NAALADL2: variants seen among roughly 807,000 people sequenced by gnomAD.
NAALADL2 encodes the protein inactive N-acetylated-alpha-linked acidic dipeptidase-like protein 2.
In NAALADL2, 76 loss-of-function variants were observed where a neutral mutation model predicts 87.2. The ratio of observed to expected loss-of-function variants is 0.87; its 90% CI spans 0.72 to 1.05. NAALADL2 has a LOEUF of 1.05. NAALADL2 is among the 50% of genes least tolerant of loss of function. The pLI, the probability that NAALADL2 is intolerant of heterozygous loss-of-function variation, is 0.00. For synonymous variants in NAALADL2, 354 were observed against 331.0 expected (o/e 1.07, Z -0.75); for missense variants, 1,089 against 945.8 (o/e 1.15, Z -1.99).
At chr3:174,571,309 A>T (rs985238832) in intron 2 of NAALADL2, among the ~76,000 whole-genome samples, 1 of 152,198 alleles carries the variant, frequency 6.6e-6, no homozygotes, top group Non-Finnish European at 1.5e-5. Flanking sequence ...TAACCTTAAT[A>T]GCAAAACAGG....
intron 5 of NAALADL2, among the ~76,000 whole-genome samples, chr3:175,342,249 G>A (rs778529016): frequency 1.3e-4 from 20 of 152,102 alleles, no homozygotes; most frequent in Non-Finnish European, 2.2e-4. Context: ...ACATGTGATA[G>A]GTTTCAGATA....
chr3:174,961,459 T>G (rs968358019), intron 1 of NAALADL2, among the ~76,000 whole-genome samples: 2 of 151,998 alleles, frequency 1.3e-5, no homozygotes, highest in African/African-American at 2.4e-5. Flanking sequence ...AAGTTTTGAG[T>G]GAGATGGGGA....
chr3:175,203,118 G>A (rs992013605), intron 2 of NAALADL2, among the ~76,000 whole-genome samples: 19 of 152,024 alleles, frequency 1.2e-4, no homozygotes, highest in Admixed American at 1.0e-3. Flanking sequence ...CACTGGATTC[G>A]CACCCTCCCC....
chr3:175,504,038 T>C (rs1729923752), intron 9 of NAALADL2, among the ~76,000 whole-genome samples: 1 of 152,224 alleles, frequency 6.6e-6, no homozygotes, highest in African/African-American at 2.4e-5. Flanking sequence ...TCCTAGATGA[T>C]CTTTCAAGGT....
rs369048693 is a variant in NAALADL2 at position 175,051,828 on chromosome 3, C to T, written c.44-44962C>T. The stretch of plus-strand genomic sequence containing the variant: ...AAGCGTGACTGTGGCTTTCCCACGT[C>T]CATTTGGCTACAAAGCTTAATTAAG... On this transcript the variant is annotated intron_variant, in intron 1 of 13. Transcript: ENST00000454872. 3.4e-4 allele frequency among the ~76,000 whole-genome samples: 51 copies of T among 152,220 alleles called. 1 individual carries two copies. The highest frequency in any genetic ancestry group is 1.2e-3 in the African/African-American group (50 of 41,534).
chr3:175,748,070 T>A (rs1411749802), intron 12 of NAALADL2, among the ~76,000 whole-genome samples: 2 of 152,138 alleles, frequency 1.3e-5, no homozygotes, highest in African/African-American at 4.8e-5. Flanking sequence ...TCTTTTGCAA[T>A]GAGATTTCTA....
chr3:174,953,897 C>T (rs998004359), intron 1 of NAALADL2, among the ~76,000 whole-genome samples: 2 of 152,002 alleles, frequency 1.3e-5, no homozygotes, highest in Non-Finnish European at 2.9e-5. Context: ...GACATACACT[C>T]CGTTCTCTGT....
At chr3:174,820,044 G>T (rs1027203893) in intron 3 of NAALADL2, among the ~76,000 whole-genome samples, 3 of 152,086 alleles carry the variant, frequency 2.0e-5, no homozygotes, top group Non-Finnish European at 2.9e-5. Context: ...ACTTAGTTTG[G>T]GTTTAGTGGG....
rs146806420 is a variant in NAALADL2 at position 175,484,439 on chromosome 3, A to G, written c.1653+12681A>G. ...ATAGTTAAAATGCCACTGTATGGATATTGTATGTTTCAAACTAAGTATGCT... is the reference window on the plus strand; with the variant it reads ...ATAGTTAAAATGCCACTGTATGGATGTTGTATGTTTCAAACTAAGTATGCT... On this transcript the variant is annotated intron_variant, in intron 9 of 13. Coordinates refer to ENST00000454872, the MANE Select transcript of NAALADL2 (RefSeq NM_207015.3). 5.3e-3 allele frequency among the ~76,000 whole-genome samples: 811 copies of G among 152,246 alleles called. 6 individuals carry two copies. The highest frequency in any genetic ancestry group is 0.019 in the African/African-American group (772 of 41,572).
At chr3:175,431,392 A>G (rs1717734263) in intron 5 of NAALADL2, among the ~76,000 whole-genome samples, 1 of 152,012 alleles carries the variant, frequency 6.6e-6, no homozygotes, top group Admixed American at 6.6e-5. Flanking sequence ...GTTTAGTTCT[A>G]TTGGACAGTT....
At chr3:175,520,500 T>C (rs1005576366) in intron 9 of NAALADL2, among the ~76,000 whole-genome samples, 1 of 151,574 alleles carries the variant, frequency 6.6e-6, no homozygotes, top group Non-Finnish European at 1.5e-5. Flanking sequence ...GGGTTTCACC[T>C]TGTTAGCCAG....
At chr3:174,710,426 G>A (rs1419422477) in intron 2 of NAALADL2, among the ~76,000 whole-genome samples, 2 of 151,788 alleles carry the variant, frequency 1.3e-5, no homozygotes, top group African/African-American at 2.4e-5. Flanking sequence ...GGCTAATTTT[G>A]TATTTTTAGT....
rs139858228 is a variant in NAALADL2 at position 175,673,203 on chromosome 3, T to C, written c.1896+45817T>C. On this transcript the variant is annotated intron_variant, in intron 11 of 13. Coordinates refer to ENST00000454872, the MANE Select transcript of NAALADL2 (RefSeq NM_207015.3). ...CAGGCAGAGTAATTTATATCCTCTC[T>C]TGTGAGAATAAAACTTTTGTACAAG... Among the ~76,000 whole-genome samples the C allele has an allele frequency of 1.5e-3, 234 of 152,310 alleles. 1 individual carries two copies. Among genetic ancestry groups the C allele is most frequent in the African/African-American group, 5.2e-3 (217 of 41,580 alleles).
At chr3:174,669,898 T>TC in intron 2 of NAALADL2, among the ~76,000 whole-genome samples, 1 of 150,030 alleles carries the variant, frequency 6.7e-6, no homozygotes, top group African/African-American at 2.4e-5. Context: ...TATTTGTGTC[T>TC]TTTTTAATTT....
intron 1 of NAALADL2, among the ~76,000 whole-genome samples, chr3:174,923,182 A>G (rs766982492): frequency 7.2e-5 from 11 of 152,198 alleles, no homozygotes; most frequent in Non-Finnish European, 1.3e-4. Flanking sequence ...GGCTTATGGA[A>G]AAAACACAGA....
intron 2 of NAALADL2, among the ~76,000 whole-genome samples, chr3:174,631,147 T>C (rs1272976690): frequency 1.3e-5 from 2 of 152,230 alleles, no homozygotes; most frequent in African/African-American, 4.8e-5. Flanking sequence ...TGTGGTCAAA[T>C]CCTGCTTCTG....
chr3:175,031,586 G>A (rs927493736), intron 1 of NAALADL2, among the ~76,000 whole-genome samples: 1 of 152,040 alleles, frequency 6.6e-6, no homozygotes, highest in African/African-American at 2.4e-5. Flanking sequence ...ACATACAAGT[G>A]CATGTTTCTT....
At chr3:174,699,365 T>A (rs1178426950) in intron 2 of NAALADL2, among the ~76,000 whole-genome samples, 1 of 150,350 alleles carries the variant, frequency 6.7e-6, no homozygotes, top group African/African-American at 2.5e-5. Context: ...TGGTGGCACG[T>A]GCCTGTAGTC....
chr3:175,249,183 A>T (rs749658711), intron 3 of NAALADL2, among the ~76,000 whole-genome samples: 11 of 152,078 alleles, frequency 7.2e-5, no homozygotes, highest in Non-Finnish European at 1.5e-4. Context: ...TTTCTTTATT[A>T]ATAAGGTAGA....
Sources: gnomAD v4.1 joint callset for allele counts (sites outside exome capture counted in the v4.1 genomes callset) on GRCh38, gnomAD v4.1.1 for gene constraint, MANE v1.5 for transcripts, NCBI Gene and HGNC (gene_info 2026-07-23, HGNC 2026-07-21) for gene names.